Variants in TMEM132C observed in about 807,000 individuals in gnomAD.
TMEM132C encodes transmembrane protein 132C.
A neutral mutation model predicts 61.4 loss-of-function variants in TMEM132C; 29 were observed. The ratio of observed to expected loss-of-function variants is 0.47; its 90% CI spans 0.35 to 0.64. TMEM132C has a LOEUF of 0.64. Ranked by LOEUF, TMEM132C falls within the 30% of genes least tolerant of loss-of-function variation. The probability of loss-of-function intolerance (pLI) is 0.00; values close to 1 mark genes in which losing one functional copy is unlikely to be tolerated. For synonymous variants in TMEM132C, 656 were observed against 633.1 expected (o/e 1.04, Z -0.54); for missense variants, 1,408 against 1,476.9 (o/e 0.95, Z 0.76).
chr12:128,500,943 A>G (rs11059722), intron 2 of TMEM132C, among the ~76,000 whole-genome samples: 9,979 of 152,270 alleles, frequency 0.066, 541 homozygotes, highest in African/African-American at 0.15. Context: ...CCAAATGTCT[A>G]TTAACAGAAG....
At chr12:128,341,984 G>A (rs1872989649) in intron 1 of TMEM132C, among the ~76,000 whole-genome samples, 1 of 151,036 alleles carries the variant, frequency 6.6e-6, no homozygotes, top group South Asian at 2.1e-4. Context: ...CACCTTCCAG[G>A]CTAAAAGTTC....
rs187025644 is a variant in TMEM132C, at chr12:128,272,107, C to T, written c.85+4620C>T. ...AGTTCTAAGTTTCGACAAATGCACA[C>T]AGTCACGTAAACATCACTAGGATTG... is the stretch of plus-strand genomic sequence containing the variant. On this transcript the variant is annotated intron_variant, in intron 1 of 8. Coordinates refer to ENST00000435159, the MANE Select transcript of TMEM132C (RefSeq NM_001136103.3). 5.8e-3 allele frequency among the ~76,000 whole-genome samples: 885 copies of T among 152,322 alleles called. 4 individuals are homozygous for T. The highest frequency in any genetic ancestry group is 9.9e-3 in the Non-Finnish European group (673 of 68,030).
chr12:128,305,704 C>T (rs1168548016), intron 1 of TMEM132C, among the ~76,000 whole-genome samples: 1 of 152,136 alleles, frequency 6.6e-6, no homozygotes, highest in Non-Finnish European at 1.5e-5. Context: ...ATCTGAAGAA[C>T]TGCCATTTGC....
intron 4 of TMEM132C, among the ~76,000 whole-genome samples, chr12:128,631,251 G>A (rs1954062737): frequency 6.6e-6 from 1 of 152,188 alleles, no homozygotes; most frequent in Non-Finnish European, 1.5e-5. Flanking sequence ...TAGAAAAAAA[G>A]AGGAATTAAA....
At chr12:128,282,315 C>T (rs893581455) in intron 1 of TMEM132C, among the ~76,000 whole-genome samples, 6 of 152,142 alleles carry the variant, frequency 3.9e-5, no homozygotes, top group Admixed American at 2.0e-4. Flanking sequence ...TCCCCTGAGA[C>T]GGGGTAATTT....
chr12:128,628,314 C>A (rs765445817), intron 4 of TMEM132C, among the ~76,000 whole-genome samples: 1 of 152,172 alleles, frequency 6.6e-6, no homozygotes, highest in African/African-American at 2.4e-5. Flanking sequence ...CACGGCGGCA[C>A]GCTGAGATCT....
At chr12:128,640,786 C>T (rs1593130132) in intron 4 of TMEM132C, among the ~76,000 whole-genome samples, 2 of 152,038 alleles carry the variant, frequency 1.3e-5, no homozygotes, top group African/African-American at 4.8e-5. Context: ...ACTGGGGAGG[C>T]TGAGGTAGGA....
intron 1 of TMEM132C, among the ~76,000 whole-genome samples, chr12:128,337,109 G>C (rs2135950370): frequency 6.6e-6 from 1 of 152,254 alleles, no homozygotes; most frequent in South Asian, 2.1e-4. Context: ...TAGGCTTAAA[G>C]AGAGAGAACT....
At chr12:128,396,996 G>C (rs961617095) in intron 1 of TMEM132C, among the ~76,000 whole-genome samples, 2 of 152,130 alleles carry the variant, frequency 1.3e-5, no homozygotes, top group Non-Finnish European at 2.9e-5. Flanking sequence ...CCCTAGGTTA[G>C]CCACTGACCA....
At chr12:128,277,515 T>G (rs1870732874) in intron 1 of TMEM132C, among the ~76,000 whole-genome samples, 1 of 152,214 alleles carries the variant, frequency 6.6e-6, no homozygotes, top group Admixed American at 6.5e-5. Context: ...ACTGCGGACT[T>G]AAGGGAATGG....
chr12:128,499,591 C>T (rs1262489576), intron 2 of TMEM132C, among the ~76,000 whole-genome samples: 5 of 152,174 alleles, frequency 3.3e-5, no homozygotes, highest in Admixed American at 6.6e-5. Flanking sequence ...TACTCTCTGT[C>T]TCTGTAAGTT....
chr12:128,516,277 C>T (rs1193333949), intron 2 of TMEM132C, among the ~76,000 whole-genome samples: 1 of 152,208 alleles, frequency 6.6e-6, no homozygotes, highest in East Asian at 1.9e-4. Flanking sequence ...GCTGGATAAA[C>T]CTGTGGAACA....
rs969447115 is a variant in TMEM132C at position 128,326,756 on chromosome 12, T to C, written c.85+59269T>C. Among the ~76,000 whole-genome samples the C allele has an allele frequency of 7.2e-6, 1 of 139,362 alleles. No individual in the cohort carries two copies. The highest frequency in any genetic ancestry group is 1.5e-5 in the Non-Finnish European group (1 of 67,952). The allele number at this position is 139,362 out of a possible 152,430, so 91.4% of individuals were successfully genotyped here. Reference sequence around the variant, plus strand: ...CAGAGAAGTTTCGAGATTCATCAGATGTCTTTATGGCTCCCACATCTCGTT... The same window carrying C: ...CAGAGAAGTTTCGAGATTCATCAGACGTCTTTATGGCTCCCACATCTCGTT... On this transcript the variant is annotated intron_variant, in intron 1 of 8. Coordinates refer to ENST00000435159, the MANE Select transcript of TMEM132C (RefSeq NM_001136103.3). This position sits in a 1 kb window ranked among gnomAD's most constrained non-coding sequence, Gnocchi z 5.6.
At chr12:128,334,386 A>T (rs1207112794) in intron 1 of TMEM132C, among the ~76,000 whole-genome samples, 1 of 152,120 alleles carries the variant, frequency 6.6e-6, no homozygotes, top group Non-Finnish European at 1.5e-5. Flanking sequence ...GTGCATTCTC[A>T]TTCCTCAGTG....
chr12:128,280,915 T>A (rs2135898958), intron 1 of TMEM132C, among the ~76,000 whole-genome samples: 1 of 151,570 alleles, frequency 6.6e-6, no homozygotes, highest in African/African-American at 2.4e-5. Flanking sequence ...GTGGGAGGAG[T>A]TCATATGGGC....
At chr12:128,633,483 G>A (rs1335707954) in intron 4 of TMEM132C, among the ~76,000 whole-genome samples, 1 of 152,188 alleles carries the variant, frequency 6.6e-6, no homozygotes, top group African/African-American at 2.4e-5. Flanking sequence ...AATATAAAGT[G>A]TGACTGTGTC....
chr12:128,397,152 G>A (rs1419179581), intron 1 of TMEM132C, among the ~76,000 whole-genome samples: 1 of 152,092 alleles, frequency 6.6e-6, no homozygotes, highest in Non-Finnish European at 1.5e-5. Context: ...TCTAGTAGTT[G>A]GGCTCAGGAC....
chr12:128,465,577 C>T (rs977158380), intron 2 of TMEM132C, among the ~76,000 whole-genome samples: 1 of 152,190 alleles, frequency 6.6e-6, no homozygotes, highest in African/African-American at 2.4e-5. Context: ...GCCAGGCGTC[C>T]ACCCAGGTGA....
intron 2 of TMEM132C, among the ~76,000 whole-genome samples, chr12:128,536,332 A>G (rs944868264): frequency 9.2e-5 from 14 of 152,038 alleles, no homozygotes; most frequent in Non-Finnish European, 1.5e-5. Flanking sequence ...ATAGGTGGGA[A>G]TTGAACAATG....
Sources: allele counts gnomAD v4.1 joint callset (sites outside exome capture counted in the v4.1 genomes callset), GRCh38; gene constraint gnomAD v4.1.1; non-coding constraint Gnocchi (gnomAD v3.1); transcripts MANE v1.5; gene names NCBI Gene and HGNC (gene_info 2026-07-23, HGNC 2026-07-21).